Variants in SRGAP3 observed in about 807,000 individuals in gnomAD.
The protein encoded by SRGAP3 is SLIT-ROBO Rho GTPase activating protein 3.
SRGAP3 carries 39 observed loss-of-function variants against 121.1 expected under a neutral mutation model. The observed-to-expected ratio is 0.32, with a 90% CI of 0.25 to 0.42. SRGAP3 has a LOEUF of 0.42. SRGAP3 is among the 10% of genes least tolerant of loss of function. The probability of loss-of-function intolerance (pLI) is 1.00; values close to 1 mark genes in which losing one functional copy is unlikely to be tolerated. For synonymous variants in SRGAP3, 601 were observed against 570.0 expected, an observed-to-expected ratio of 1.05 and a Z score of -0.77; for missense variants, 1,213 against 1,470.6, an observed-to-expected ratio of 0.82 and a Z score of 2.86.
chr3:9,052,686 T>G (rs1945637815), intron 9 of SRGAP3, among the ~76,000 whole-genome samples: 1 of 152,234 alleles, frequency 6.6e-6, no homozygotes, highest in African/African-American at 2.4e-5. Context: ...CATGATAATC[T>G]ATATACATAA....
chr3:9,086,065 C>T (rs1310992569), intron 3 of SRGAP3, among the ~76,000 whole-genome samples: 1 of 152,220 alleles, frequency 6.6e-6, no homozygotes, highest in Non-Finnish European at 1.5e-5. Flanking sequence ...CCTCACCTGC[C>T]TTCCCAAGTG....
chr3:9,199,405 A>AT (rs1055561590), intron 1 of SRGAP3, among the ~76,000 whole-genome samples: 4 of 151,744 alleles, frequency 2.6e-5, no homozygotes, highest in East Asian at 1.9e-4. Context: ...GCTGACTGAG[A>AT]TTTTTTTTTA....
At chr3:9,108,843 G>A (rs146226052) in intron 2 of SRGAP3, among the ~76,000 whole-genome samples, 88 of 152,246 alleles carry the variant, frequency 5.8e-4, no homozygotes, top group African/African-American at 1.9e-3. Context: ...TGAGGCCTGG[G>A]TGTGGTCTTG....
intron 1 of SRGAP3, among the ~76,000 whole-genome samples, chr3:9,200,702 G>C (rs1448490867): frequency 6.6e-6 from 1 of 152,126 alleles, no homozygotes; most frequent in East Asian, 1.9e-4. Flanking sequence ...AAAAAGACAG[G>C]GTTCCAGGCA....
chr3:9,221,073 A>G (rs1205456177), intron 1 of SRGAP3, among the ~76,000 whole-genome samples: 1 of 152,116 alleles, frequency 6.6e-6, no homozygotes, highest in Non-Finnish European at 1.5e-5. Context: ...GCCAGCCTGG[A>G]CTTCCTCTTG....
rs1953913639 is a variant in SRGAP3, at chr3:9,248,733, C to T, written c.67+152G>A. On this transcript the variant is annotated intron_variant, in intron 1 of 21. Transcript: ENST00000383836. ...CAGTTGAAACCAGTCCGGACTTGTG[C>T]GGCTGCCACTGTTACTCCTCACAAA... The T allele has an allele frequency of 1.2e-5, 10 of 803,296 alleles. No individual in the cohort carries two copies. The Admixed American group carries it at 1.4e-4, about 11-fold the overall frequency. 49.8% of individuals were successfully genotyped at this position (803,296 alleles called of 1,614,324 possible).
intron 1 of SRGAP3, among the ~76,000 whole-genome samples, chr3:9,220,102 G>A (rs1319190001): frequency 6.6e-6 from 1 of 152,082 alleles, no homozygotes; most frequent in Non-Finnish European, 1.5e-5. Flanking sequence ...GAAGGAGTAA[G>A]TTCTGGTGTT....
chr3:9,342,176 C>T (rs141453812), intron 1 of SRGAP3, among the ~76,000 whole-genome samples: 4,976 of 152,114 alleles, frequency 0.033, 306 homozygotes, highest in African/African-American at 0.11. Context: ...CATGGCAAAA[C>T]CCCATCTCTA....
At chr3:9,119,937 A>G (rs1308823378) in intron 2 of SRGAP3, among the ~76,000 whole-genome samples, 2 of 152,186 alleles carry the variant, frequency 1.3e-5, no homozygotes, top group African/African-American at 2.4e-5. Flanking sequence ...CAGCAGAAAA[A>G]TCACCCAGCT....
chr3:9,035,337 T>C (rs1944696166), intron 11 of SRGAP3: 1 of 164,150 alleles, frequency 6.1e-6, no homozygotes, highest in African/African-American at 2.4e-5. Flanking sequence ...AAAGGGGAAA[T>C]AGCATATGTT....
intron 2 of SRGAP3, among the ~76,000 whole-genome samples, chr3:9,114,879 A>G (rs1458410670): frequency 3.3e-5 from 5 of 152,206 alleles, no homozygotes; most frequent in Non-Finnish European, 7.3e-5. Flanking sequence ...CATCACCGTG[A>G]ACCAAGTGCT....
chr3:9,039,001 G>C (rs984070981), intron 10 of SRGAP3, among the ~76,000 whole-genome samples: 6 of 152,072 alleles, frequency 3.9e-5, no homozygotes, highest in Admixed American at 1.3e-4. Context: ...AGGCACTACT[G>C]CTTCCTCCCC....
At chr3:9,273,839 T>C (rs988767422) in intron 3 of SRGAP3, among the ~76,000 whole-genome samples, 4 of 152,154 alleles carry the variant, frequency 2.6e-5, no homozygotes, top group African/African-American at 9.7e-5. Flanking sequence ...AAACCATTTG[T>C]TAAAAGATTA....
chr3:9,155,855 G>A (rs565879679), intron 1 of SRGAP3, among the ~76,000 whole-genome samples: 7 of 152,126 alleles, frequency 4.6e-5, no homozygotes, highest in South Asian at 2.1e-4. Context: ...TCGCTCTGTC[G>A]CCCAGGCTGG....
At chr3:9,318,771 T>C (rs1271599253) in intron 3 of SRGAP3, among the ~76,000 whole-genome samples, 1 of 151,058 alleles carries the variant, frequency 6.6e-6, no homozygotes, top group Non-Finnish European at 1.5e-5. Context: ...TGTAGCTACT[T>C]AGGAGGCTGA....
chr3:9,267,079 T>C (rs1303948265), intron 3 of SRGAP3, among the ~76,000 whole-genome samples: 9 of 152,140 alleles, frequency 5.9e-5, no homozygotes, highest in Admixed American at 2.6e-4. Context: ...CAAGTAAGGG[T>C]TCCTCCTGGA....
chr3:9,280,295 CAG>C (rs1373981724), intron 3 of SRGAP3, among the ~76,000 whole-genome samples: 1 of 152,234 alleles, frequency 6.6e-6, no homozygotes, highest in Non-Finnish European at 1.5e-5. Flanking sequence ...GCTTCGAAAG[CAG>C]AGTCTTCATG....
chr3:9,027,675 G>C (rs1249823759), intron 12 of SRGAP3, among the ~76,000 whole-genome samples: 1 of 152,220 alleles, frequency 6.6e-6, no homozygotes, highest in Non-Finnish European at 1.5e-5. Flanking sequence ...CCTGGGATGT[G>C]AATGTATTTT....
rs921283444 is a variant in SRGAP3 at position 9,090,084 on chromosome 3, G to GA, written c.424-9998dup. On this transcript the variant is annotated intron_variant, in intron 3 of 21. Transcript: ENST00000383836. ...CATACATTTTCATTTTTGCTTATTT[G>GA]AAAAAATACTAACGTAATCCATGCT... is the stretch of plus-strand genomic sequence containing the variant. Among the ~76,000 whole-genome samples the GA allele has an allele frequency of 5.5e-4, 84 of 151,988 alleles. 1 individual carries two copies. The highest frequency in any genetic ancestry group is 2.0e-3 in the African/African-American group (81 of 41,464).
Sources: gnomAD v4.1 joint callset for allele counts (sites outside exome capture counted in the v4.1 genomes callset) on GRCh38, gnomAD v4.1.1 for gene constraint, MANE v1.5 for transcripts, NCBI Gene and HGNC (gene_info 2026-07-23, HGNC 2026-07-21) for gene names.